AOX1: variants seen among roughly 807,000 people sequenced by gnomAD.
AOX1 encodes the protein aldehyde oxidase.
A neutral mutation model predicts 169.5 loss-of-function variants in AOX1; 153 were observed. That is an observed-to-expected ratio of 0.90 (90% CI 0.79 to 1.03). The LOEUF (loss-of-function observed/expected upper bound fraction) is 1.03, where lower values mean the gene tolerates loss of function less well. AOX1 is among the 50% of genes least tolerant of loss of function. The pLI, the probability that AOX1 is intolerant of heterozygous loss-of-function variation, is 0.00. For missense variants in AOX1, 1,656 were observed against 1,663.9 expected (o/e 1.00, Z 0.08); for synonymous variants, 562 against 581.9 (o/e 0.97, Z 0.49).
intron 8 of AOX1, 70 bp downstream of exon 8, chr2:200,604,167 T>G: frequency 8.3e-7 from 1 of 1,205,678 alleles, no homozygotes; most frequent in East Asian, 2.3e-5. Context: ...TATTTGTTTA[T>G]GGGTTCTCTC....
At chr2:200,656,969 T>TG in intron 27 of AOX1, 32 bp downstream of exon 27, 10 of 1,431,778 alleles carry the variant, frequency 7.0e-6, no homozygotes, top group Non-Finnish European at 9.6e-6. Context: ...TTGAGTTGGG[T>TG]GTGTGCTTAT....
chr2:200,608,757 A>G (rs889358680), intron 10 of AOX1, among the ~76,000 whole-genome samples: 2 of 151,520 alleles, frequency 1.3e-5, no homozygotes, highest in Non-Finnish European at 2.9e-5. Context: ...CACCACCACC[A>G]CACCACCCCC....
At chr2:200,657,164 A>AT (rs1235480258) in intron 27 of AOX1, among the ~76,000 whole-genome samples, 48 of 89,424 alleles carry the variant, frequency 5.4e-4, no homozygotes, top group African/African-American at 2.0e-3. Context: ...TCTCTACCAA[A>AT]AATATATATA....
chr2:200,600,384 A>G (rs1254989769), intron 5 of AOX1, among the ~76,000 whole-genome samples: 1 of 152,106 alleles, frequency 6.6e-6, no homozygotes, highest in African/African-American at 2.4e-5. Context: ...AGAGACTGAG[A>G]TCTTATGGTG....
At chr2:200,645,519 T>G (rs2035435239) in intron 25 of AOX1, among the ~76,000 whole-genome samples, 1 of 152,140 alleles carries the variant, frequency 6.6e-6, no homozygotes, top group Admixed American at 6.5e-5. Context: ...AGGATATTGG[T>G]CTGTAGTTTT....
chr2:200,635,578 AG>A (rs1460412641), intron 21 of AOX1, among the ~76,000 whole-genome samples: 1 of 152,210 alleles, frequency 6.6e-6, no homozygotes, highest in Non-Finnish European at 1.5e-5. Context: ...TGGTAAGACA[AG>A]AGAGGTCACT....
At chr2:200,603,237 A>G in intron 6 of AOX1, 30 bp from the exon 7 acceptor site, 1 of 1,573,632 alleles carries the variant, frequency 6.4e-7, no homozygotes, top group Non-Finnish European at 8.7e-7. Context: ...TCAGCAATAA[A>G]TTCCTAGTGA....
chr2:200,597,608 C>G, intron 4 of AOX1, 103 bp downstream of exon 4: 2 of 661,524 alleles, frequency 3.0e-6, no homozygotes, highest in Middle Eastern at 3.9e-4. Flanking sequence ...CCTGCTGGCT[C>G]GGCCACTCCA....
Position 200,664,372 on chromosome 2 carries a change from A to C in AOX1, c.3543+1403A>C, listed in dbSNP as rs544560031. 3.9e-5 allele frequency among the ~76,000 whole-genome samples: 6 copies of C among 152,288 alleles called. No homozygotes were observed. In the East Asian group the frequency reaches 1.2e-3, roughly 29 times the overall value. On this transcript the variant is annotated intron_variant, in intron 31 of 34. Coordinates refer to ENST00000374700, the MANE Select transcript of AOX1 (RefSeq NM_001159.4). ...CTCCTGGCCTTCAAGTGATCCACCCACCTTGGCCTTCCAAAGTGCTGGGAT... is the reference window on the plus strand; with the variant it reads ...CTCCTGGCCTTCAAGTGATCCACCCCCCTTGGCCTTCCAAAGTGCTGGGAT...
At chr2:200,595,486 G>A (rs910437699) in intron 3 of AOX1, 118 bp downstream of exon 3, 3 of 618,812 alleles carry the variant, frequency 4.8e-6, no homozygotes, top group Non-Finnish European at 8.2e-6. Flanking sequence ...TGGCCACTTG[G>A]CGTACAATGA....
At chr2:200,603,790 G>A (rs2034460301) in intron 7 of AOX1, among the ~76,000 whole-genome samples, 1 of 152,182 alleles carries the variant, frequency 6.6e-6, no homozygotes, top group Non-Finnish European at 1.5e-5. Flanking sequence ...CCAAAGAGAA[G>A]GTACAGGGAG....
In AOX1 at chr2:200,634,847, G is replaced by A. The variant is rs752300842; in HGVS notation, c.2278G>A (p.Val760Ile). The change falls in exon 21 of 35, where the codon GTC (valine) becomes ATC (isoleucine). Residue 760 changes from valine to isoleucine, a missense_variant. Coordinates refer to ENST00000374700, the MANE Select transcript of AOX1 (RefSeq NM_001159.4). The stretch of plus-strand genomic sequence containing the variant: ...TTATATGGAAACCCAAAGCATGCTT[G>A]TCGTTCCCAAGGGAGAGGATCAAGA... ...HFYMETQSML[V>I]VPKGEDQEMD... The A allele has an allele frequency of 6.8e-6, 11 of 1,614,060 alleles. No homozygotes were observed. The South Asian group carries it at 8.8e-5, about 13-fold the overall frequency.
At chr2:200,657,192 T>A (rs11901126) in intron 27 of AOX1, among the ~76,000 whole-genome samples, 8,235 of 68,048 alleles carry the variant, frequency 0.12, 357 homozygotes, top group Middle Eastern at 0.21. Flanking sequence ...ATATATATAT[T>A]TTTTTTTTTT....
intron 4 of AOX1, among the ~76,000 whole-genome samples, chr2:200,676,614 A>AAAGAAG (rs1231282657): frequency 9.5e-4 from 141 of 148,552 alleles, no homozygotes; most frequent in Middle Eastern, 3.6e-3. Context: ...AAAAAAAAAA[A>AAAGAAG]AAGAAGAAGA....
intron 18 of AOX1, 50 bp downstream of exon 18, chr2:200,621,296 T>C: frequency 1.3e-6 from 2 of 1,589,094 alleles, no homozygotes; most frequent in Non-Finnish European, 1.7e-6. Context: ...CAGTTAACGG[T>C]GCTTCATATT....
At chr2:200,672,299 T>G (rs2036041307), downstream of AOX1, among the ~76,000 whole-genome samples, 1 of 152,228 alleles carries the variant, frequency 6.6e-6, no homozygotes, top group Non-Finnish European at 1.5e-5. Context: ...ATACCTCAAT[T>G]TTTAAAAAAG....
At chr2:200,618,648 T>C (rs572651501) in intron 16 of AOX1, among the ~76,000 whole-genome samples, 29 of 152,298 alleles carry the variant, frequency 1.9e-4, no homozygotes, top group African/African-American at 7.0e-4. Context: ...GATCTCTATC[T>C]CCAGCCAGAG....
chr2:200,617,525 G>A (rs2034788762), intron 16 of AOX1, among the ~76,000 whole-genome samples: 1 of 150,406 alleles, frequency 6.6e-6, no homozygotes, highest in African/African-American at 2.4e-5. Context: ...ATCTTTGACG[G>A]TAGGACAAAG....
chr2:200,636,685 G>T (rs1486615500), intron 21 of AOX1, among the ~76,000 whole-genome samples: 1 of 152,176 alleles, frequency 6.6e-6, no homozygotes, highest in African/African-American at 2.4e-5. Flanking sequence ...ATCAGTTGGG[G>T]CTGTGGGCCA....
Sources: gnomAD v4.1 joint callset for allele counts (sites outside exome capture counted in the v4.1 genomes callset) on GRCh38, gnomAD v4.1.1 for gene constraint, MANE v1.5 for transcripts, NCBI Gene and HGNC (gene_info 2026-07-23, HGNC 2026-07-21) for gene names.